RHBDD3: variants seen among roughly 807,000 people sequenced by gnomAD.
RHBDD3 encodes the protein rhomboid domain containing 3.
In RHBDD3, 34 loss-of-function variants were observed where a neutral mutation model predicts 32.3. That is an observed-to-expected ratio of 1.05 (90% CI 0.80 to 1.40). The LOEUF is 1.40. Among genes scored for constraint, RHBDD3 ranks in the 40% most tolerant of loss-of-function variants. RHBDD3 has a pLI of 0.00. For synonymous variants in RHBDD3, 249 were observed against 239.1 expected, an observed-to-expected ratio of 1.04 and a Z score of -0.38; for missense variants, 482 against 492.6, an observed-to-expected ratio of 0.98 and a Z score of 0.20.
intron 4 of RHBDD3, 95 bp from the exon 5 acceptor site, chr22:29,260,959 GC>G: frequency 8.0e-7 from 1 of 1,253,276 alleles, no homozygotes; most frequent in Non-Finnish European, 1.1e-6. Context: ...AAGTGTGCTG[GC>G]CACCATTCCC....
At chr22:29,267,065 C>G (rs2058216088) in intron 2 of RHBDD3, among the ~76,000 whole-genome samples, 2 of 152,242 alleles carry the variant, frequency 1.3e-5, no homozygotes, top group Admixed American at 1.3e-4. Flanking sequence ...GTATTCACAG[C>G]ACACAGCCAG....
intron 4 of RHBDD3, 62 bp from the exon 5 acceptor site, chr22:29,260,926 C>A: frequency 6.9e-7 from 1 of 1,447,738 alleles, no homozygotes; most frequent in South Asian, 1.4e-5. Flanking sequence ...GGTGGGCCCA[C>A]GCCACAGGCC....
In RHBDD3 at chr22:29,260,148, AG is replaced by A; in HGVS notation, c.1072del (p.Leu358CysfsTer13). 1 of 1,589,490 alleles carries A rather than the reference AG, an allele frequency of 6.3e-7. No homozygotes were observed. Among genetic ancestry groups the A allele is most frequent in the Non-Finnish European group, 8.6e-7 (1 of 1,168,090 alleles). Reference protein sequence around the residue: ...ATGRVEGAVSLLVGGQVGTET... With the variant: ...ATGRVEGAVSXLVGGQVGTET... ...AGTGCCCACTTGTCCTCCAACCAACAGTGACACGGCACCCTCCACACGGCCT... is the reference window on the plus strand; with the variant it reads ...AGTGCCCACTTGTCCTCCAACCAACATGACACGGCACCCTCCACACGGCCT... On this transcript the variant is annotated frameshift_variant, in exon 7 of 7. Coordinates refer to ENST00000216085, the MANE Select transcript of RHBDD3 (RefSeq NM_012265.3). LOFTEE classifies it high-confidence loss of function.
intron 4 of RHBDD3, among the ~76,000 whole-genome samples, chr22:29,263,114 G>A (rs1316756336): frequency 1.3e-5 from 2 of 152,056 alleles, no homozygotes; most frequent in African/African-American, 2.4e-5. Flanking sequence ...GCATGTTCTC[G>A]GCTCATTGCA....
intron 4 of RHBDD3, chr22:29,261,951 C>T (rs1196344040): frequency 1.3e-5 from 2 of 152,176 alleles, no homozygotes; most frequent in African/African-American, 2.4e-5. Flanking sequence ...CTGCACCCAG[C>T]CTCTAGCACC....
At chr22:29,266,137 G>A (rs888628512) in intron 2 of RHBDD3, among the ~76,000 whole-genome samples, 6 of 152,184 alleles carry the variant, frequency 3.9e-5, no homozygotes, top group African/African-American at 1.4e-4. Context: ...TAGGGCAGAT[G>A]GGCAGAAGTC....
At chr22:29,265,411 T>C in intron 3 of RHBDD3, 68 bp downstream of exon 3, 1 of 1,372,442 alleles carries the variant, frequency 7.3e-7, no homozygotes. Context: ...GTGCTGCTCC[T>C]GCCAAGTGGG....
intron 4 of RHBDD3, chr22:29,261,554 G>A (rs763859330): frequency 6.9e-5 from 22 of 321,050 alleles, no homozygotes; most frequent in South Asian, 2.6e-4. Context: ...TGATGGCGTC[G>A]CCACACTCCA....
chr22:29,260,614 C>A lies in RHBDD3; in HGVS notation c.696-1G>T, dbSNP rs1230889904. On this transcript the variant is annotated splice_acceptor_variant, in intron 5 of 6. Coordinates refer to ENST00000216085, the MANE Select transcript of RHBDD3 (RefSeq NM_012265.3). LOFTEE classifies it high-confidence loss of function. ...ATAAGGCGGTCCAGGGATGGGAGGC[C>A]TGGAGGAGTGGGAAGAGAAGAGGGC... 6.3e-7 allele frequency: 1 copy of A among 1,586,316 alleles called. No individual in the cohort carries two copies. The highest frequency in any genetic ancestry group is 8.6e-7 in the Non-Finnish European group (1 of 1,165,266).
Position 29,263,991 on chromosome 22 carries a change from G to A in RHBDD3, c.376C>T (p.Leu126=), listed in dbSNP as rs1014821563. Residue 126 remains leucine (L), a synonymous_variant, in exon 4 of 7, where the codon CTG becomes TTG. Transcript: ENST00000216085. ...AGSCGYMPVH[L]AMLAGEGHRP... ...TGTCCCTCCCCAGCCAGCATGGCCA[G>A]GTGGACAGGCATGTATCCACAGCTG... is the stretch of plus-strand genomic sequence containing the variant. 7.0e-5 allele frequency: 109 copies of A among 1,552,152 alleles called. No homozygotes were observed. The highest frequency in any genetic ancestry group is 9.0e-5 in the Non-Finnish European group (103 of 1,147,892).
At chr22:29,262,633 G>C (rs984981077) in intron 4 of RHBDD3, among the ~76,000 whole-genome samples, 1 of 152,188 alleles carries the variant, frequency 6.6e-6, no homozygotes, top group African/African-American at 2.4e-5. Flanking sequence ...TAAATCAACT[G>C]AGTAGCATTA....
Position 29,265,557 on chromosome 22 carries a change from G to C in RHBDD3, c.70C>G (p.Leu24Val). 1 of 1,588,654 alleles carries C rather than the reference G, an allele frequency of 6.3e-7. No homozygotes were observed. Among genetic ancestry groups the C allele is most frequent in the South Asian group, 1.1e-5 (1 of 87,772 alleles). The part of the protein sequence containing the change: ...LPLASSVLML[L>V]MSTLWLVGAG... ...CCCACCAGCCACAGGGTGCTCATCA[G>C]CAGCATCAGGACTGAGGAGGCCAGA... The change falls in exon 3 of 7, where the codon CTG becomes GTG. Residue 24 changes from leucine (L) to valine (V), a missense_variant. Leu to Val is a conservative substitution (Grantham distance 32). Coordinates refer to ENST00000216085, the MANE Select transcript of RHBDD3 (RefSeq NM_012265.3).
chr22:29,266,293 G>C (rs985695261), intron 2 of RHBDD3, among the ~76,000 whole-genome samples: 3 of 152,118 alleles, frequency 2.0e-5, no homozygotes, highest in African/African-American at 7.2e-5. Flanking sequence ...TACAGTATGC[G>C]CTCCACCTCT....
At position 29,266,142 on chromosome 22, in the gene RHBDD3, G is replaced by T. The variant is rs2058173955; in HGVS notation, c.-42-474C>A. On this transcript the variant is annotated intron_variant, in intron 2 of 6. Coordinates refer to ENST00000216085, the MANE Select transcript of RHBDD3 (RefSeq NM_012265.3). ...GGGTAAGGGGTAGGGCAGATGGGCA[G>T]AAGTCCCACATCTTGAGCCATACTC... Among the ~76,000 whole-genome samples the T allele has an allele frequency of 2.0e-5, 3 of 152,202 alleles. No homozygotes were observed. The South Asian group carries it at 6.2e-4, about 31-fold the overall frequency.
At position 29,264,084 on chromosome 22, in the gene RHBDD3, G is replaced by A; in HGVS notation, c.283C>T (p.Leu95=). ...AGCAGCCCAGAAGCCAGGGCGAGCA[G>A]GGCTGAGGCATGCAGGAATCTCAGC... ...GTLRFLHASA[L]LALASGLLAV... is the part of the protein sequence containing the mutation. The change falls in exon 4 of 7, where the codon CTG becomes TTG. Residue 95 remains leucine, a synonymous_variant. Coordinates refer to ENST00000216085, the MANE Select transcript of RHBDD3 (RefSeq NM_012265.3). The A allele has an allele frequency of 1.9e-6, 3 of 1,585,052 alleles. No individual in the cohort carries two copies. The highest frequency in any genetic ancestry group is 2.6e-6 in the Non-Finnish European group (3 of 1,167,034).
At position 29,264,172 on chromosome 22, in the gene RHBDD3, G is replaced by A. The variant is rs532026962; in HGVS notation, c.195C>T (p.Gly65=). Residue 65 remains glycine (G), a synonymous_variant, in exon 4 of 7, where the codon GGC becomes GGT. Transcript: ENST00000216085. ...GCAGGAGCAGCAGGCTCAGGAGCAGGCCTGGCAGGGCCGTGTGGCCCAGGG... is the reference window on the plus strand; with the variant it reads ...GCAGGAGCAGCAGGCTCAGGAGCAGACCTGGCAGGGCCGTGTGGCCCAGGG... ...THALGHTALP[G]LLLSLLLLPT... 2.5e-6 allele frequency: 4 copies of A among 1,575,872 alleles called. No homozygotes were observed. The highest frequency in any genetic ancestry group is 3.4e-6 in the Non-Finnish European group (4 of 1,161,992).
intron 3 of RHBDD3, chr22:29,264,521 C>A: frequency 8.5e-7 from 1 of 1,170,450 alleles, no homozygotes; most frequent in Non-Finnish European, 1.1e-6. Flanking sequence ...AGGTACTCTG[C>A]TTCTGTATTT....
intron 2 of RHBDD3, among the ~76,000 whole-genome samples, 162 bp from the exon 3 acceptor site, chr22:29,265,830 C>T (rs572764419): frequency 1.2e-4 from 18 of 152,172 alleles, no homozygotes; most frequent in Admixed American, 5.9e-4. Flanking sequence ...CTAACCCATG[C>T]GCTCATAAGC....
At chr22:29,265,893 G>A (rs925100462) in intron 2 of RHBDD3, among the ~76,000 whole-genome samples, 1 of 152,104 alleles carries the variant, frequency 6.6e-6, no homozygotes, top group Non-Finnish European at 1.5e-5. Context: ...GACAGGCATA[G>A]AGACTTCTGA....
Sources: gnomAD v4.1 joint callset for allele counts (sites outside exome capture counted in the v4.1 genomes callset) on GRCh38, gnomAD v4.1.1 for gene constraint, MANE v1.5 for transcripts, NCBI Gene and HGNC (gene_info 2026-07-23, HGNC 2026-07-21) for gene names.